MGAT4A: variants seen among roughly 807,000 people sequenced by gnomAD.
MGAT4A encodes N-acetylglucosaminyltransferase IVa.
A neutral mutation model predicts 74.1 loss-of-function variants in MGAT4A; 33 were observed. The observed-to-expected ratio is 0.45, with a 90% CI of 0.34 to 0.60. The LOEUF is 0.60. MGAT4A is among the 20% of genes least tolerant of loss of function. MGAT4A has a pLI of 0.02. For synonymous variants in MGAT4A, 198 were observed against 210.4 expected (o/e 0.94, Z 0.51); for missense variants, 479 against 628.3 (o/e 0.76, Z 2.54).
At chr2:98,636,252 C>A (rs898870496) in intron 13 of MGAT4A, among the ~76,000 whole-genome samples, 24 of 152,006 alleles carry the variant, frequency 1.6e-4, no homozygotes, top group African/African-American at 5.8e-4. Context: ...CTCAGCCTCC[C>A]AAAGTGCTGG....
intron 2 of MGAT4A, among the ~76,000 whole-genome samples, chr2:98,702,421 C>G (rs1203342455): frequency 6.6e-6 from 1 of 152,190 alleles, no homozygotes; most frequent in Non-Finnish European, 1.5e-5. Context: ...AATAGGGAGG[C>G]CTTGAAAATG....
Position 98,619,630 on chromosome 2 carries a change from G to A in MGAT4A, c.*5936C>T, listed in dbSNP as rs551385666. The A allele has an allele frequency of 6.6e-6, 1 of 152,262 alleles. No homozygotes were observed. The highest frequency in any genetic ancestry group is 1.5e-5 in the Non-Finnish European group (1 of 68,012). The allele number at this position is 152,262 out of a possible 1,614,324, so 9.4% of individuals were successfully genotyped here. A position where few individuals can be genotyped will look rare whatever the true frequency, so the allele number is the denominator to read the frequency against. ...TACTGGCAGTGCATCTTACAGTACT[G>A]TCGATAGCAGCCATTTTTAAGGCTC... On this transcript the variant is annotated 3_prime_UTR_variant, in exon 16 of 16. Coordinates refer to ENST00000393487, the MANE Select transcript of MGAT4A (RefSeq NM_012214.3).
intron 4 of MGAT4A, 123 bp from the exon 5 acceptor site, chr2:98,663,302 TAA>T (rs1360815628): frequency 3.9e-6 from 6 of 1,529,680 alleles, no homozygotes; most frequent in Non-Finnish European, 5.3e-6. Context: ...CAAAATATAT[TAA>T]GTTTCAGGAA....
chr2:98,656,324 T>C, intron 7 of MGAT4A, 28 bp downstream of exon 7: 1 of 1,361,904 alleles, frequency 7.3e-7, no homozygotes, highest in Non-Finnish European at 1.0e-6. Flanking sequence ...CTCACAAGTG[T>C]GGAGGATTTT....
rs180921181 is a variant in MGAT4A at position 98,655,658 on chromosome 2, T to A, written c.699-138A>T. 11 of 558,618 alleles carry A rather than the reference T, an allele frequency of 2.0e-5. No individual in the cohort carries two copies. In the Admixed American group the frequency reaches 3.9e-4, roughly 20 times the overall value. The allele number at this position is 558,618 out of a possible 1,614,324, so 34.6% of individuals were successfully genotyped here. ...TACACACACACACATACACACACAC[T>A]CACTTAGGACGAAGAGTCAAAGAAA... On this transcript the variant is annotated intron_variant, in intron 7 of 15. Coordinates refer to ENST00000393487, the MANE Select transcript of MGAT4A (RefSeq NM_012214.3).
Position 98,677,801 on chromosome 2 carries a change from ATTTTTTTT to A in MGAT4A, c.262+495_262+502del, listed in dbSNP as rs70940122. Among the ~76,000 whole-genome samples, 479 of 121,334 alleles carry A rather than the reference ATTTTTTTT, an allele frequency of 3.9e-3. 1 individual carries two copies. The highest frequency in any genetic ancestry group is 0.014 in the African/African-American group (448 of 32,436). 79.6% of individuals were successfully genotyped at this position (121,334 alleles called of 152,430 possible). On this transcript the variant is annotated intron_variant, in intron 3 of 15. Coordinates refer to ENST00000393487, the MANE Select transcript of MGAT4A (RefSeq NM_012214.3). Reference sequence around the variant, plus strand: ...TAAAATCAGATTTAGCAGGTAATAAATTTTTTTTTTTTTTTTTTTTTTGTAATTTACTA... The same window carrying A: ...TAAAATCAGATTTAGCAGGTAATAAATTTTTTTTTTTTTTGTAATTTACTA...
Position 98,624,627 on chromosome 2 carries a change from T to G in MGAT4A, c.*939A>C. The G allele has an allele frequency of 3.0e-6, 3 of 984,774 alleles. No individual in the cohort carries two copies. The highest frequency in any genetic ancestry group is 3.6e-6 in the Non-Finnish European group (3 of 829,378). 61.0% of individuals were successfully genotyped at this position (984,774 alleles called of 1,614,324 possible). ...TAAAATGAGTGCAGATATAAAAGAA[T>G]CAACAGCAGATAATGCACCTAATTC... On this transcript the variant is annotated 3_prime_UTR_variant, in exon 16 of 16. Transcript: ENST00000393487.
chr2:98,691,871 C>T (rs1702199618), intron 2 of MGAT4A, among the ~76,000 whole-genome samples: 1 of 152,078 alleles, frequency 6.6e-6, no homozygotes. Context: ...ATGATCCTGA[C>T]CCTCTGCAGG....
chr2:98,631,314 T>A (rs1483720233), intron 14 of MGAT4A, among the ~76,000 whole-genome samples: 1 of 152,218 alleles, frequency 6.6e-6, no homozygotes, highest in African/African-American at 2.4e-5. Flanking sequence ...GGGCCAGTCT[T>A]GGCGACATGC....
Position 98,663,535 on chromosome 2 carries a change from G to A in MGAT4A, c.404-356C>T. On this transcript the variant is annotated intron_variant, in intron 4 of 15. Coordinates refer to ENST00000393487, the MANE Select transcript of MGAT4A (RefSeq NM_012214.3). ...TGTCTTATCTCTCGACTTCAAGCATGTGACATGCCGAGAAGAGCACAACAT... is the reference window on the plus strand; with the variant it reads ...TGTCTTATCTCTCGACTTCAAGCATATGACATGCCGAGAAGAGCACAACAT... 3 of 1,197,698 alleles carry A rather than the reference G, an allele frequency of 2.5e-6. 1 individual carries two copies. In the South Asian group the frequency reaches 6.2e-5, roughly 25 times the overall value. The allele number at this position is 1,197,698 out of a possible 1,614,324, so 74.2% of individuals were successfully genotyped here.
chr2:98,679,405 CAAAAAAAA>C (rs753919040), intron 2 of MGAT4A, among the ~76,000 whole-genome samples: 1 of 33,328 alleles, frequency 3.0e-5, no homozygotes, highest in African/African-American at 1.1e-4. Context: ...GACTCCGTCT[CAAAAAAAA>C]AAAAAAAAAA....
rs771112148 is a variant in MGAT4A at position 98,622,723 on chromosome 2, A to G, written c.*2843T>C. On this transcript the variant is annotated 3_prime_UTR_variant, in exon 16 of 16. Coordinates refer to ENST00000393487, the MANE Select transcript of MGAT4A (RefSeq NM_012214.3). ...CCATAGGAGAGGACAGATGAGCAGT[A>G]TGAGCTGCAGGCTCGCCTCAGGAAC... is the stretch of plus-strand genomic sequence containing the variant. 101 of 985,720 alleles carry G rather than the reference A, an allele frequency of 1.0e-4. No individual in the cohort carries two copies. Among genetic ancestry groups the G allele is most frequent in the Non-Finnish European group, 1.2e-4 (98 of 830,244 alleles). 61.1% of individuals were successfully genotyped at this position (985,720 alleles called of 1,614,324 possible). A position where few individuals can be genotyped will look rare whatever the true frequency, so the allele number is the denominator to read the frequency against.
At chr2:98,700,337 T>C (rs1475691980) in intron 2 of MGAT4A, among the ~76,000 whole-genome samples, 1 of 148,554 alleles carries the variant, frequency 6.7e-6, no homozygotes, top group African/African-American at 2.4e-5. Flanking sequence ...AATATATTCA[T>C]ATATACTATA....
intron 4 of MGAT4A, among the ~76,000 whole-genome samples, chr2:98,673,694 A>G (rs1172633154): frequency 1.3e-5 from 2 of 152,158 alleles, no homozygotes; most frequent in African/African-American, 4.8e-5. Flanking sequence ...CAAAATAAAA[A>G]CCTATTAGAG....
At chr2:98,683,857 C>CTAT (rs1424519770) in intron 2 of MGAT4A, among the ~76,000 whole-genome samples, 1 of 152,148 alleles carries the variant, frequency 6.6e-6, no homozygotes, top group African/African-American at 2.4e-5. Context: ...GGCCCATGGA[C>CTAT]TATTGGATAA....
chr2:98,622,636 G>C lies in MGAT4A; in HGVS notation c.*2930C>G. 1 of 985,560 alleles carries C rather than the reference G, an allele frequency of 1.0e-6. No individual in the cohort carries two copies. Among genetic ancestry groups the C allele is most frequent in the Non-Finnish European group, 1.2e-6 (1 of 830,070 alleles). 61.1% of individuals were successfully genotyped at this position (985,560 alleles called of 1,614,324 possible). ...GGGGAAAGGATGGCTGCTTCTACTA[G>C]TTGAGTGCAGAACTGGGCAGAAAGG... On this transcript the variant is annotated 3_prime_UTR_variant, in exon 16 of 16. Coordinates refer to ENST00000393487, the MANE Select transcript of MGAT4A (RefSeq NM_012214.3).
In MGAT4A at chr2:98,625,168, C is replaced by G. The variant is rs566217718; in HGVS notation, c.*398G>C. 3.1e-4 allele frequency: 247 copies of G among 807,302 alleles called. 1 individual carries two copies. Among genetic ancestry groups the G allele is most frequent in the South Asian group, 2.2e-3 (39 of 17,438 alleles). 50.0% of individuals were successfully genotyped at this position (807,302 alleles called of 1,614,324 possible). A position where few individuals can be genotyped will look rare whatever the true frequency, so the allele number is the denominator to read the frequency against. On this transcript the variant is annotated 3_prime_UTR_variant, in exon 16 of 16. Transcript: ENST00000393487. ...ATTTATATATTTATATATATAATCC[C>G]TGATAATCTATAAAAGAGGGTCTAT... is the stretch of plus-strand genomic sequence containing the variant.
chr2:98,707,940 A>C (rs1702462661), intron 2 of MGAT4A, among the ~76,000 whole-genome samples: 1 of 152,166 alleles, frequency 6.6e-6, no homozygotes, highest in African/African-American at 2.4e-5. Flanking sequence ...AACCCTCAAC[A>C]GGACTCGCTT....
chr2:98,730,848 A>G (rs1445700445), intron 1 of MGAT4A, among the ~76,000 whole-genome samples, 200 bp downstream of exon 1: 1 of 113,126 alleles, frequency 8.8e-6, no homozygotes, highest in African/African-American at 3.4e-5. Context: ...CCCCGCGCCC[A>G]GAGGCGCCAA....
Sources: allele counts gnomAD v4.1 joint callset (sites outside exome capture counted in the v4.1 genomes callset), GRCh38; gene constraint gnomAD v4.1.1; transcripts MANE v1.5; gene names NCBI Gene and HGNC (gene_info 2026-07-23, HGNC 2026-07-21).